The following GRIK4 variants were observed in gnomAD, a reference collection of about 807,000 sequenced individuals.
GRIK4 encodes the protein glutamate receptor ionotropic, kainate 4.
Under a neutral mutation model 104.9 loss-of-function variants are expected in GRIK4, and 40 were observed. That is an observed-to-expected ratio of 0.38 (90% CI 0.30 to 0.50). The LOEUF (loss-of-function observed/expected upper bound fraction) is 0.50. Among genes scored for constraint, GRIK4 ranks in the 20% least tolerant of loss-of-function variants. The pLI is 0.93. For missense variants in GRIK4, 1,047 were observed against 1,308.1 expected, an observed-to-expected ratio of 0.80 and a Z score of 3.08; for synonymous variants, 485 against 524.9, an observed-to-expected ratio of 0.92 and a Z score of 1.04.
chr11:120,875,106 G>C lies in GRIK4; in HGVS notation c.1060-33G>C, dbSNP rs772511256. ...TGGGGGCAAGTGTAACCTGGGGCCT[G>C]TTTGGTGCTGTAACTCACTCTCTCT... On this transcript the variant is annotated intron_variant, in intron 10 of 20. Coordinates refer to ENST00000527524, the MANE Select transcript of GRIK4 (RefSeq NM_014619.5). The C allele has an allele frequency of 3.6e-6, 5 of 1,376,280 alleles. No homozygotes were observed. The African/African-American group carries it at 7.1e-5, about 20-fold the overall frequency. 85.3% of individuals were successfully genotyped at this position (1,376,280 alleles called of 1,614,324 possible). A position where few individuals can be genotyped will look rare whatever the true frequency, so the allele number is the denominator to read the frequency against.
At chr11:120,795,013 C>T (rs2135499017) in intron 3 of GRIK4, among the ~76,000 whole-genome samples, 1 of 152,182 alleles carries the variant, frequency 6.6e-6, no homozygotes, top group African/African-American at 2.4e-5. Context: ...CGAGAGTGAG[C>T]AGCCAGGGTC....
intron 1 of GRIK4, among the ~76,000 whole-genome samples, chr11:120,569,437 GA>G (rs1195734387): frequency 6.6e-6 from 1 of 152,142 alleles, no homozygotes. Context: ...TCTTGGACTG[GA>G]ACAGATACTA....
chr11:120,960,327 C>CA (rs564228909), intron 16 of GRIK4, among the ~76,000 whole-genome samples: 29 of 150,616 alleles, frequency 1.9e-4, no homozygotes, highest in South Asian at 1.9e-3. Context: ...GACTCCGTCT[C>CA]AAAAAAAAAC....
At chr11:120,578,386 G>T (rs1301507583) in intron 1 of GRIK4, among the ~76,000 whole-genome samples, 1 of 152,176 alleles carries the variant, frequency 6.6e-6, no homozygotes, top group African/African-American at 2.4e-5. Flanking sequence ...CTGGAGTTTA[G>T]AGCTGCTCCT....
chr11:120,908,531 C>G (rs1942922427), intron 13 of GRIK4, among the ~76,000 whole-genome samples: 1 of 151,968 alleles, frequency 6.6e-6, no homozygotes, highest in Non-Finnish European at 1.5e-5. Context: ...GAAAACAGAG[C>G]CGAAGGTCAA....
At chr11:120,715,175 G>A (rs912012479) in intron 3 of GRIK4, among the ~76,000 whole-genome samples, 1 of 152,180 alleles carries the variant, frequency 6.6e-6, no homozygotes, top group South Asian at 2.1e-4. Context: ...CCTGGGCCAG[G>A]TGCTGGGATT....
intron 3 of GRIK4, among the ~76,000 whole-genome samples, chr11:120,721,546 T>A (rs947930957): frequency 1.1e-4 from 17 of 152,116 alleles, no homozygotes; most frequent in African/African-American, 3.9e-4. Context: ...ACCTTTACTG[T>A]GGTTTCTGTG....
intron 13 of GRIK4, among the ~76,000 whole-genome samples, chr11:120,906,616 CAAAT>C (rs1942872606): frequency 6.6e-6 from 1 of 152,094 alleles, no homozygotes; most frequent in Non-Finnish European, 1.5e-5. Flanking sequence ...ACTTGGAAAT[CAAAT>C]AAATTTTTAA....
At chr11:120,924,501 G>A (rs1943297637) in intron 13 of GRIK4, among the ~76,000 whole-genome samples, 7 of 152,162 alleles carry the variant, frequency 4.6e-5, no homozygotes, top group Admixed American at 4.6e-4. Flanking sequence ...TCACAAAGAG[G>A]ACATCCCTGT....
At chr11:120,520,029 A>G (rs1341970032) in intron 1 of GRIK4, among the ~76,000 whole-genome samples, 1 of 151,566 alleles carries the variant, frequency 6.6e-6, no homozygotes, top group Non-Finnish European at 1.5e-5. Flanking sequence ...AGTAGCTGGG[A>G]TTCTAGGTGC....
chr11:120,955,739 C>T (rs1391009363), intron 15 of GRIK4, among the ~76,000 whole-genome samples: 3 of 152,188 alleles, frequency 2.0e-5, no homozygotes, highest in Non-Finnish European at 4.4e-5. Context: ...TTTAAACAAA[C>T]ACTGATGTCC....
chr11:120,747,247 T>A (rs1415348945), intron 3 of GRIK4, among the ~76,000 whole-genome samples: 2 of 152,214 alleles, frequency 1.3e-5, no homozygotes, highest in Non-Finnish European at 2.9e-5. Context: ...AGCAGAAGGC[T>A]CTTCCTCAGC....
At chr11:120,748,817 T>C (rs978835496) in intron 3 of GRIK4, among the ~76,000 whole-genome samples, 2 of 152,024 alleles carry the variant, frequency 1.3e-5, no homozygotes, top group African/African-American at 4.8e-5. Context: ...CCTTCGGGAG[T>C]TGAAGGAGAG....
intron 11 of GRIK4, among the ~76,000 whole-genome samples, chr11:120,883,485 G>A (rs1955026755): frequency 6.6e-6 from 1 of 152,166 alleles, no homozygotes; most frequent in South Asian, 2.1e-4. Context: ...ACTTTCTCCT[G>A]TGAGTGAATC....
intron 1 of GRIK4, among the ~76,000 whole-genome samples, chr11:120,607,049 A>G (rs1393691539): frequency 6.6e-6 from 1 of 152,188 alleles, no homozygotes; most frequent in Non-Finnish European, 1.5e-5. Flanking sequence ...TGGCAAGGGA[A>G]TGCCACAATT....
intron 8 of GRIK4, among the ~76,000 whole-genome samples, chr11:120,845,810 CACTCTGCATAATATAGTAT>C (rs1309310680): frequency 1.3e-5 from 2 of 152,162 alleles, no homozygotes; most frequent in Non-Finnish European, 2.9e-5. Flanking sequence ...TTAGGAGAAC[CACTCTGCATAATATAGTAT>C]ACTTTGATGA....
At chr11:120,882,163 A>G (rs1016092243) in intron 11 of GRIK4, among the ~76,000 whole-genome samples, 4 of 151,402 alleles carry the variant, frequency 2.6e-5, no homozygotes, top group Admixed American at 6.6e-5. Context: ...CCCTCTTACT[A>G]TGAGCTGACC....
In GRIK4 at chr11:120,593,011, C is replaced by T. The variant is rs186869019; in HGVS notation, c.-158-60674C>T. Among the ~76,000 whole-genome samples, 826 of 152,108 alleles carry T rather than the reference C, an allele frequency of 5.4e-3. 2 individuals are homozygous for T. The highest frequency in any genetic ancestry group is 7.7e-3 in the Non-Finnish European group (521 of 67,974). Reference sequence around the variant, plus strand: ...CAGCCTGCCCAACATGGCGAAATCCCGTCTCTACTAAAAATACAAAAAATC... The same window carrying T: ...CAGCCTGCCCAACATGGCGAAATCCTGTCTCTACTAAAAATACAAAAAATC... On this transcript the variant is annotated intron_variant, in intron 1 of 20. Coordinates refer to ENST00000527524, the MANE Select transcript of GRIK4 (RefSeq NM_014619.5).
chr11:120,983,401 A>T (rs1289832869), intron 20 of GRIK4, among the ~76,000 whole-genome samples: 1 of 152,132 alleles, frequency 6.6e-6, no homozygotes, highest in Non-Finnish European at 1.5e-5. Flanking sequence ...CTACCCCTGC[A>T]CCGAAAGGCC....
Sources: gnomAD v4.1 joint callset for allele counts (sites outside exome capture counted in the v4.1 genomes callset) on GRCh38, gnomAD v4.1.1 for gene constraint, MANE v1.5 for transcripts, NCBI Gene and HGNC (gene_info 2026-07-23, HGNC 2026-07-21) for gene names.